TBC1D5: variants seen among roughly 807,000 people sequenced by gnomAD.
The protein encoded by TBC1D5 is TBC1 domain family, member 5.
A neutral mutation model predicts 100.3 loss-of-function variants in TBC1D5; 75 were observed. That is an observed-to-expected ratio of 0.75 (90% CI 0.62 to 0.91). The LOEUF is 0.91. Ranked by LOEUF, TBC1D5 falls within the 40% of genes least tolerant of loss-of-function variation. The pLI is 0.00. For missense variants in TBC1D5, 910 were observed against 942.4 expected (o/e 0.97, Z 0.45); for synonymous variants, 323 against 325.6 (o/e 0.99, Z 0.09).
intron 2 of TBC1D5, among the ~76,000 whole-genome samples, chr3:17,612,049 C>T (rs1300313091): frequency 1.3e-5 from 2 of 151,980 alleles, no homozygotes. Flanking sequence ...ACCCCTAATC[C>T]TAGCATACTG....
At chr3:17,338,604 A>C (rs2088328298) in intron 13 of TBC1D5, 1 of 152,216 alleles carries the variant, frequency 6.6e-6, no homozygotes, top group South Asian at 2.1e-4. Flanking sequence ...TATGGAGATG[A>C]GTATATTTTA....
At chr3:17,493,813 T>C (rs903122627) in intron 3 of TBC1D5, among the ~76,000 whole-genome samples, 2 of 152,200 alleles carry the variant, frequency 1.3e-5, no homozygotes, top group Non-Finnish European at 2.9e-5. Context: ...GCTATTTTGG[T>C]TAACAACTCC....
chr3:17,486,073 T>C (rs1417106013), intron 3 of TBC1D5, among the ~76,000 whole-genome samples: 3 of 152,040 alleles, frequency 2.0e-5, no homozygotes, highest in Non-Finnish European at 4.4e-5. Flanking sequence ...GGTTTTGATT[T>C]GCATTTCTCT....
intron 1 of TBC1D5, among the ~76,000 whole-genome samples, chr3:17,674,043 A>C (rs1235380491): frequency 6.6e-6 from 1 of 152,118 alleles, no homozygotes; most frequent in Non-Finnish European, 1.5e-5. Context: ...CTGTCACTTC[A>C]TTAGTGAGTT....
chr3:17,622,056 C>G (rs1177936640), intron 2 of TBC1D5, among the ~76,000 whole-genome samples: 1 of 152,070 alleles, frequency 6.6e-6, no homozygotes, highest in African/African-American at 2.4e-5. Flanking sequence ...TTTTTGGCAC[C>G]AGGGACTGGC....
chr3:17,583,438 G>A (rs1451348934), intron 2 of TBC1D5, among the ~76,000 whole-genome samples: 1 of 151,770 alleles, frequency 6.6e-6, no homozygotes, highest in East Asian at 1.9e-4. Context: ...AGAGAAAGTG[G>A]AACCCGGCTG....
chr3:17,211,770 A>C (rs2073019490), intron 18 of TBC1D5, among the ~76,000 whole-genome samples: 1 of 152,178 alleles, frequency 6.6e-6, no homozygotes, highest in African/African-American at 2.4e-5. Flanking sequence ...GGGTTTATCT[A>C]ACTGCCCTTG....
intron 18 of TBC1D5, among the ~76,000 whole-genome samples, chr3:17,186,232 G>A (rs1051158383): frequency 6.6e-6 from 1 of 151,790 alleles, no homozygotes; most frequent in African/African-American, 2.4e-5. Context: ...AACCTACTAA[G>A]GTATCCTTTC....
intron 3 of TBC1D5, among the ~76,000 whole-genome samples, chr3:17,485,493 C>A (rs1197728288): frequency 1.7e-5 from 2 of 115,552 alleles, no homozygotes; most frequent in South Asian, 7.3e-4. Flanking sequence ...CATCCCCCCT[C>A]CCCCCACCCC....
rs1181222729 is a variant in TBC1D5 at position 17,341,285 on chromosome 3, C to T, written c.995+30790G>A. On this transcript the variant is annotated intron_variant, in intron 13 of 21. Transcript: ENST00000253692. ...GATCTCCGCTCACTGCAAGCTCTGC[C>T]TCCTGGGTTCACGCCATTCTCCGGC... 3.9e-5 allele frequency among the ~76,000 whole-genome samples: 6 copies of T among 152,144 alleles called. No individual in the cohort carries two copies. The East Asian group carries it at 1.2e-3, about 29-fold the overall frequency.
At chr3:17,490,127 T>C (rs1219791073) in intron 3 of TBC1D5, among the ~76,000 whole-genome samples, 1 of 152,224 alleles carries the variant, frequency 6.6e-6, no homozygotes, top group Non-Finnish European at 1.5e-5. Context: ...TATATCTTTT[T>C]GGCCACATGT....
chr3:17,240,192 TGCTACTA>T lies in TBC1D5; in HGVS notation c.1332-1780_1332-1774del, dbSNP rs1214600755. ...CTACCTTCCATAAAGTTTTCTCTAA[TGCTACTA>T]GCTAATGTTATGGGCTAGGTATTAG... On this transcript the variant is annotated intron_variant, in intron 16 of 21. Coordinates refer to ENST00000253692, the Ensembl canonical transcript of TBC1D5. Among the ~76,000 whole-genome samples the T allele has an allele frequency of 6.6e-5, 10 of 152,202 alleles. No individual in the cohort carries two copies. The South Asian group carries it at 2.1e-3, about 32-fold the overall frequency.
intron 1 of TBC1D5, among the ~76,000 whole-genome samples, chr3:17,681,729 C>T (rs1310005488): frequency 1.3e-5 from 2 of 151,520 alleles, no homozygotes; most frequent in African/African-American, 2.5e-5. Context: ...CAAATTAGAA[C>T]ATGGGTCTCC....
chr3:17,563,160 T>C (rs2153479472), intron 2 of TBC1D5, among the ~76,000 whole-genome samples: 1 of 152,284 alleles, frequency 6.6e-6, no homozygotes, highest in Admixed American at 6.5e-5. Context: ...TGACTAAAAT[T>C]GGGAATACTA....
intron 13 of TBC1D5, among the ~76,000 whole-genome samples, chr3:17,319,974 T>A (rs1368895719): frequency 6.6e-6 from 1 of 152,206 alleles, no homozygotes; most frequent in Non-Finnish European, 1.5e-5. Flanking sequence ...TACAAATAAA[T>A]AACTTGCTCT....
At chr3:17,561,503 C>T (rs1021433036) in intron 2 of TBC1D5, among the ~76,000 whole-genome samples, 10 of 152,098 alleles carry the variant, frequency 6.6e-5, no homozygotes, top group African/African-American at 2.2e-4. Context: ...TTATTTCCTT[C>T]TTTGCAAGCT....
intron 10 of TBC1D5, 93 bp downstream of exon 10, chr3:17,376,430 AGT>A (rs1268565616): frequency 2.9e-6 from 3 of 1,019,022 alleles, no homozygotes; most frequent in Non-Finnish European, 4.4e-6. Context: ...ACAGCTTGTA[AGT>A]ACCTTCCATT....
chr3:17,177,891 C>T (rs1481238795), intron 19 of TBC1D5, among the ~76,000 whole-genome samples: 3 of 151,664 alleles, frequency 2.0e-5, no homozygotes, highest in African/African-American at 7.3e-5. Flanking sequence ...TTTGTGTTAC[C>T]ATCATTCTAC....
chr3:17,448,271 G>C (rs1276423300), intron 3 of TBC1D5, among the ~76,000 whole-genome samples: 1 of 152,158 alleles, frequency 6.6e-6, no homozygotes, highest in Admixed American at 6.5e-5. Flanking sequence ...CTCCACTGAG[G>C]AGGTCTTGAA....
Sources: allele counts gnomAD v4.1 joint callset (sites outside exome capture counted in the v4.1 genomes callset), GRCh38; gene constraint gnomAD v4.1.1; transcripts MANE v1.5; gene names NCBI Gene and HGNC (gene_info 2026-07-23, HGNC 2026-07-21).